ATP2B2: variants seen among roughly 807,000 people sequenced by gnomAD.
ATP2B2 encodes the protein ATPase plasma membrane Ca2+ transporting 2.
In ATP2B2, 15 loss-of-function variants were observed where a neutral mutation model predicts 120.0. That is an observed-to-expected ratio of 0.12 (90% CI 0.08 to 0.19). The LOEUF (loss-of-function observed/expected upper bound fraction) is 0.19. Among genes scored for constraint, ATP2B2 ranks in the 10% least tolerant of loss-of-function variants. The probability of loss-of-function intolerance (pLI) is 1.00; values close to 1 mark genes in which losing one functional copy is unlikely to be tolerated. For synonymous variants in ATP2B2, 694 were observed against 700.3 expected (o/e 0.99, Z 0.14); for missense variants, 1,045 against 1,719.8 (o/e 0.61, Z 6.94).
chr3:10,627,669 A>T (rs569507443), intron 1 of ATP2B2, among the ~76,000 whole-genome samples: 1 of 152,326 alleles, frequency 6.6e-6, no homozygotes, highest in African/African-American at 2.4e-5. Flanking sequence ...GTGAACCGCA[A>T]GGGAAGAGCC....
chr3:10,687,822 C>T lies in ATP2B2; in HGVS notation c.-460+20093G>A, dbSNP rs1249156573. On this transcript the variant is annotated intron_variant, in intron 1 of 21. Transcript: ENST00000646379. ...GTTGCAGTGAGCTGAGATCACACCA[C>T]CGCACTCCAGCCTGGGTGACAGAGT... Among the ~76,000 whole-genome samples the T allele has an allele frequency of 3.9e-5, 6 of 152,210 alleles. No homozygotes were observed. In the East Asian group the frequency reaches 1.2e-3, roughly 29 times the overall value.
At chr3:10,348,789 G>A (rs566323284) in intron 16 of ATP2B2, among the ~76,000 whole-genome samples, 1 of 152,210 alleles carries the variant, frequency 6.6e-6, no homozygotes, top group African/African-American at 2.4e-5. Context: ...AATGCCTGCT[G>A]CGTGCAGCCT....
At chr3:10,650,570 A>G (rs1416559927) in intron 1 of ATP2B2, among the ~76,000 whole-genome samples, 1 of 152,218 alleles carries the variant, frequency 6.6e-6, no homozygotes, top group Non-Finnish European at 1.5e-5. Flanking sequence ...GTAACAAGGA[A>G]CTGAATGTTA....
intron 2 of ATP2B2, among the ~76,000 whole-genome samples, chr3:10,598,386 C>T (rs976100755): frequency 1.3e-5 from 2 of 152,152 alleles, no homozygotes; most frequent in African/African-American, 2.4e-5. Context: ...AATTACAGTA[C>T]TTTCATTGGT....
chr3:10,512,450 G>A (rs1694042662), intron 3 of ATP2B2, among the ~76,000 whole-genome samples: 1 of 148,276 alleles, frequency 6.7e-6, no homozygotes, highest in Non-Finnish European at 1.5e-5. Flanking sequence ...ATTCCTGGGT[G>A]CTAAAGTGTG....
Position 10,329,976 on chromosome 3 carries a change from T to C in ATP2B2, c.3421-851A>G, listed in dbSNP as rs1198327697. Among the ~76,000 whole-genome samples the C allele has an allele frequency of 6.6e-6, 1 of 152,220 alleles. No individual in the cohort carries two copies. The highest frequency in any genetic ancestry group is 1.9e-4 in the East Asian group (1 of 5,196). On this transcript the variant is annotated intron_variant, in intron 22 of 22. Coordinates refer to ENST00000360273, the MANE Select transcript of ATP2B2 (RefSeq NM_001001331.4). The surrounding 1 kb of genome is among the most constrained non-coding windows in gnomAD (Gnocchi z 5.9). ...ACACTCGAGTATAGACTCAAAGCCC[T>C]GGCCGGCCAGTTATTGGAGCTTGCT...
chr3:10,703,228 G>C (rs1386507497), intron 1 of ATP2B2, among the ~76,000 whole-genome samples: 1 of 152,198 alleles, frequency 6.6e-6, no homozygotes, highest in African/African-American at 2.4e-5. Flanking sequence ...CATGGGAAGA[G>C]GGATGGGCTA....
At chr3:10,483,996 T>A (rs1201989382) in intron 1 of ATP2B2, among the ~76,000 whole-genome samples, 4 of 151,988 alleles carry the variant, frequency 2.6e-5, no homozygotes, top group African/African-American at 9.7e-5. Flanking sequence ...GGGGAGTGAG[T>A]CACAAGCCCA....
intron 12 of ATP2B2, among the ~76,000 whole-genome samples, chr3:10,366,663 G>A (rs2061067991): frequency 6.6e-6 from 1 of 152,212 alleles, no homozygotes; most frequent in Non-Finnish European, 1.5e-5. Context: ...ACACAGAACA[G>A]ACATGGGCAG....
At chr3:10,371,682 A>G (rs1230990882) in intron 12 of ATP2B2, 127 bp downstream of exon 12, 138 of 1,425,234 alleles carry the variant, frequency 9.7e-5, no homozygotes, top group Non-Finnish European at 1.2e-4. Context: ...GTTGCTTACT[A>G]TCTGACCATA....
chr3:10,345,816 G>A (rs574602078), intron 17 of ATP2B2, among the ~76,000 whole-genome samples: 1 of 152,246 alleles, frequency 6.6e-6, no homozygotes, highest in East Asian at 1.9e-4. Flanking sequence ...CAGCCTGCAA[G>A]TGCCCCCCTT....
At chr3:10,430,893 C>T (rs978921410) in intron 2 of ATP2B2, among the ~76,000 whole-genome samples, 3 of 151,702 alleles carry the variant, frequency 2.0e-5, no homozygotes, top group Non-Finnish European at 4.4e-5. Context: ...TGGGGCTTGG[C>T]TCTCACTCAG....
chr3:10,574,728 T>C (rs1216676366), intron 2 of ATP2B2, among the ~76,000 whole-genome samples: 1 of 152,182 alleles, frequency 6.6e-6, no homozygotes, highest in Non-Finnish European at 1.5e-5. Context: ...AATTAGATCA[T>C]GAGTGTAAGG....
chr3:10,609,906 C>T (rs2069182995), intron 2 of ATP2B2, among the ~76,000 whole-genome samples: 1 of 152,070 alleles, frequency 6.6e-6, no homozygotes, highest in African/African-American at 2.4e-5. Flanking sequence ...CTCCCATCCT[C>T]GGCCACAATG....
chr3:10,441,309 G>A (rs774238800), intron 2 of ATP2B2, among the ~76,000 whole-genome samples: 2 of 151,952 alleles, frequency 1.3e-5, no homozygotes, highest in South Asian at 2.1e-4. Flanking sequence ...GGCTGATCTC[G>A]GCTCACTGCA....
chr3:10,500,668 A>G (rs1477254322), intron 1 of ATP2B2, among the ~76,000 whole-genome samples: 1 of 152,096 alleles, frequency 6.6e-6, no homozygotes, highest in East Asian at 1.9e-4. Context: ...GAGACAAGGG[A>G]CAGGCTCTTC....
At chr3:10,331,729 A>AT (rs368792827) in intron 22 of ATP2B2, among the ~76,000 whole-genome samples, 53 of 141,524 alleles carry the variant, frequency 3.7e-4, no homozygotes, top group African/African-American at 1.4e-3. Flanking sequence ...TTTTTTTGGC[A>AT]TAAGCTGCAT....
At chr3:10,632,796 C>G (rs2069904408) in intron 1 of ATP2B2, among the ~76,000 whole-genome samples, 1 of 152,208 alleles carries the variant, frequency 6.6e-6, no homozygotes, top group African/African-American at 2.4e-5. Flanking sequence ...CTGGCTGTGT[C>G]CCCGCAATGT....
rs370062027 is a variant in ATP2B2, at chr3:10,545,514, G to A, written c.-414-11381C>T. 2.5e-4 allele frequency among the ~76,000 whole-genome samples: 36 copies of A among 144,076 alleles called. 1 individual carries two copies. The East Asian group carries it at 3.8e-3, about 15-fold the overall frequency. The allele number at this position is 144,076 out of a possible 152,430, so 94.5% of individuals were successfully genotyped here. A position where few individuals can be genotyped will look rare whatever the true frequency, so the allele number is the denominator to read the frequency against. ...TTTGCACTCCAGCCTTGCTGACAGAGCAAGAATCCATCTCAAAAAAAAAAA... is the reference window on the plus strand; with the variant it reads ...TTTGCACTCCAGCCTTGCTGACAGAACAAGAATCCATCTCAAAAAAAAAAA... On this transcript the variant is annotated intron_variant, in intron 2 of 21. Coordinates refer to the ATP2B2 transcript ENST00000646379.
Sources: gnomAD v4.1 joint callset for allele counts (sites outside exome capture counted in the v4.1 genomes callset) on GRCh38, gnomAD v4.1.1 for gene constraint, Gnocchi (gnomAD v3.1) non-coding constraint, MANE v1.5 for transcripts, NCBI Gene and HGNC (gene_info 2026-07-23, HGNC 2026-07-21) for gene names.